The following DSCAML1 variants were observed in gnomAD, a reference collection of about 807,000 sequenced individuals.
DSCAML1 encodes the protein cell adhesion molecule DSCAML1.
A neutral mutation model predicts 200.5 loss-of-function variants in DSCAML1; 38 were observed. The observed-to-expected ratio is 0.19, with a 90% CI of 0.15 to 0.25. The LOEUF is 0.25. DSCAML1 is among the 10% of genes least tolerant of loss of function. DSCAML1 has a pLI of 1.00. For synonymous variants in DSCAML1, 1,215 were observed against 1,165.0 expected, an observed-to-expected ratio of 1.04 and a Z score of -0.87; for missense variants, 2,223 against 2,858.8, an observed-to-expected ratio of 0.78 and a Z score of 5.07.
intron 21 of DSCAML1, among the ~76,000 whole-genome samples, chr11:117,442,112 C>T (rs1354552615): frequency 2.0e-5 from 3 of 149,338 alleles, no homozygotes; most frequent in African/African-American, 7.3e-5. Flanking sequence ...TGTGTATGTG[C>T]ATATGTGAGT....
At chr11:117,691,244 C>A (rs1414389921) in intron 3 of DSCAML1, among the ~76,000 whole-genome samples, 3 of 152,072 alleles carry the variant, frequency 2.0e-5, no homozygotes, top group Non-Finnish European at 2.9e-5. Context: ...GGGAGATGGA[C>A]CTCCCTGAAA....
intron 3 of DSCAML1, among the ~76,000 whole-genome samples, chr11:117,558,195 G>C (rs969939583): frequency 2.0e-5 from 3 of 152,154 alleles, no homozygotes. Context: ...GCATGTAGCT[G>C]TGGGCAAACT....
At chr11:117,733,257 G>A (rs1025748743) in intron 3 of DSCAML1, among the ~76,000 whole-genome samples, 1 of 152,204 alleles carries the variant, frequency 6.6e-6, no homozygotes, top group Admixed American at 6.5e-5. Context: ...TTTAGGCCCT[G>A]TGCAGTGCTT....
chr11:117,718,935 G>T (rs1054550637), intron 3 of DSCAML1, among the ~76,000 whole-genome samples: 2 of 152,164 alleles, frequency 1.3e-5, no homozygotes, highest in African/African-American at 2.4e-5. Flanking sequence ...GCTGTGGCTA[G>T]AAAGCAGCAC....
At chr11:117,583,147 A>G (rs951553522) in intron 3 of DSCAML1, among the ~76,000 whole-genome samples, 2 of 151,982 alleles carry the variant, frequency 1.3e-5, no homozygotes, top group East Asian at 3.9e-4. Context: ...TCCCCTCCGC[A>G]TGCTGATGGG....
chr11:117,548,983 T>C (rs2050426270), intron 3 of DSCAML1, among the ~76,000 whole-genome samples: 2 of 152,174 alleles, frequency 1.3e-5, no homozygotes, highest in African/African-American at 4.8e-5. Context: ...TTACTGGTTC[T>C]CATAAGGGGA....
intron 3 of DSCAML1, among the ~76,000 whole-genome samples, chr11:117,744,260 G>A (rs997790796): frequency 6.6e-6 from 1 of 152,216 alleles, no homozygotes; most frequent in African/African-American, 2.4e-5. Context: ...GGCTGAGCCA[G>A]GATGCAAACC....
rs955499366 is a variant in DSCAML1, at chr11:117,731,745, A to C, written c.511+45046T>G. 7.9e-5 allele frequency among the ~76,000 whole-genome samples: 12 copies of C among 152,352 alleles called. No homozygotes were observed. In the Middle Eastern group the frequency reaches 0.01, roughly 130 times the overall value. ...CATAGCTTTTAAGTTCCTTTAGAGC[A>C]GAAAACACCTCTTATTTGTCTTTGC... On this transcript the variant is annotated intron_variant, in intron 3 of 32. Transcript: ENST00000651296.
chr11:117,529,849 C>T (rs2050041969), intron 4 of DSCAML1, among the ~76,000 whole-genome samples: 1 of 152,078 alleles, frequency 6.6e-6, no homozygotes, highest in Non-Finnish European at 1.5e-5. Flanking sequence ...GAGACGGGCT[C>T]TGGGCTCCAC....
At chr11:117,441,857 G>T (rs1210809329) in intron 21 of DSCAML1, among the ~76,000 whole-genome samples, 1 of 152,152 alleles carries the variant, frequency 6.6e-6, no homozygotes, top group Non-Finnish European at 1.5e-5. Flanking sequence ...TCCATGCGGG[G>T]GCGGTGAGAA....
chr11:117,537,579 G>C (rs1169508179), intron 3 of DSCAML1, among the ~76,000 whole-genome samples: 1 of 152,098 alleles, frequency 6.6e-6, no homozygotes, highest in Non-Finnish European at 1.5e-5. Flanking sequence ...GTGCCTCCTA[G>C]GATCTGTGAA....
intron 3 of DSCAML1, among the ~76,000 whole-genome samples, chr11:117,693,266 G>A (rs1320968019): frequency 6.6e-6 from 1 of 152,072 alleles, no homozygotes; most frequent in Non-Finnish European, 1.5e-5. Flanking sequence ...TCGATTTTTT[G>A]GAACCTCAGT....
At chr11:117,609,295 C>CT (rs2051639813) in intron 3 of DSCAML1, among the ~76,000 whole-genome samples, 1 of 20,930 alleles carries the variant, frequency 4.8e-5, no homozygotes, top group Non-Finnish European at 8.4e-5. Context: ...ATTTTCTTTT[C>CT]TTTCTTTCTT....
chr11:117,490,953 G>C (rs1428386402), intron 11 of DSCAML1, among the ~76,000 whole-genome samples: 2 of 152,214 alleles, frequency 1.3e-5, no homozygotes, highest in African/African-American at 4.8e-5. Flanking sequence ...AGAACGGTGA[G>C]TCTGGCCTTC....
rs1259938345 is a variant in DSCAML1, at chr11:117,633,830, G to A, written c.512-101308C>T. Among the ~76,000 whole-genome samples, 14 of 152,266 alleles carry A rather than the reference G, an allele frequency of 9.2e-5. No homozygotes were observed. In the East Asian group the frequency reaches 1.9e-3, roughly 21 times the overall value. On this transcript the variant is annotated intron_variant, in intron 3 of 32. Transcript: ENST00000651296. ...CCACCTGGTTGATTAGTGGCCCTTC[G>A]TGTCCTCCAGACTTTGATGCCTGCT...
chr11:117,552,179 C>T (rs1434318612), intron 3 of DSCAML1, among the ~76,000 whole-genome samples: 1 of 151,970 alleles, frequency 6.6e-6, no homozygotes, highest in Non-Finnish European at 1.5e-5. Flanking sequence ...CTGGGAGCTA[C>T]GTCCCTACTG....
intron 3 of DSCAML1, among the ~76,000 whole-genome samples, chr11:117,758,916 A>G (rs2054747443): frequency 6.6e-6 from 1 of 152,298 alleles, no homozygotes; most frequent in South Asian, 2.1e-4. Flanking sequence ...TCCATCGAGG[A>G]GGAGACTTGA....
chr11:117,508,081 T>A (rs536983237), intron 8 of DSCAML1, among the ~76,000 whole-genome samples: 1 of 152,126 alleles, frequency 6.6e-6, no homozygotes, highest in African/African-American at 2.4e-5. Context: ...GGCTTTCTGA[T>A]GGATTGTAGC....
At chr11:117,754,510 G>T (rs113858735) in intron 3 of DSCAML1, among the ~76,000 whole-genome samples, 5 of 152,118 alleles carry the variant, frequency 3.3e-5, no homozygotes, top group Admixed American at 2.6e-4. Flanking sequence ...GGGAGCGGGG[G>T]GTGTGAGAAT....
Sources: gnomAD v4.1 joint callset for allele counts (sites outside exome capture counted in the v4.1 genomes callset) on GRCh38, gnomAD v4.1.1 for gene constraint, MANE v1.5 for transcripts, NCBI Gene and HGNC (gene_info 2026-07-23, HGNC 2026-07-21) for gene names.